PSD3: variants seen among roughly 807,000 people sequenced by gnomAD.
PSD3 encodes PH and SEC7 domain-containing protein 3.
A neutral mutation model predicts 105.5 loss-of-function variants in PSD3; 49 were observed. The observed-to-expected ratio is 0.46, with a 90% CI of 0.37 to 0.59. The LOEUF (loss-of-function observed/expected upper bound fraction) is 0.59, where lower values mean the gene tolerates loss of function less well. Among genes scored for constraint, PSD3 ranks in the 20% least tolerant of loss-of-function variants. The probability of loss-of-function intolerance (pLI) is 0.00; values close to 1 mark genes in which losing one functional copy is unlikely to be tolerated. For synonymous variants in PSD3, 557 were observed against 457.8 expected (o/e 1.22, Z -2.77); for missense variants, 1,561 against 1,263.8 (o/e 1.24, Z -3.57).
At chr8:18,927,378 T>G (rs1163207094) in intron 2 of PSD3, among the ~76,000 whole-genome samples, 1 of 152,134 alleles carries the variant, frequency 6.6e-6, no homozygotes, top group Admixed American at 6.5e-5. Flanking sequence ...CATGCCTGGC[T>G]AATTTTTGCA....
intron 9 of PSD3, among the ~76,000 whole-genome samples, chr8:18,677,010 C>T (rs2046670): frequency 0.88 from 133,779 of 152,272 alleles, 59,865 homozygotes; most frequent in South Asian, 0.98. Context: ...AATGGGTAAA[C>T]AGTGATCGTA....
intron 9 of PSD3, among the ~76,000 whole-genome samples, chr8:18,670,652 A>G (rs911034734): frequency 1.3e-5 from 2 of 152,232 alleles, no homozygotes; most frequent in African/African-American, 4.8e-5. Flanking sequence ...AGCACCAGAA[A>G]TGTATCATTA....
intron 14 of PSD3, among the ~76,000 whole-genome samples, chr8:18,564,010 A>C (rs1228150263): frequency 6.6e-6 from 1 of 152,134 alleles, no homozygotes; most frequent in Non-Finnish European, 1.5e-5. Flanking sequence ...ACATACCATA[A>C]AAACACCCCT....
chr8:18,806,185 G>T (rs1230414778), intron 4 of PSD3, among the ~76,000 whole-genome samples: 1 of 152,170 alleles, frequency 6.6e-6, no homozygotes, highest in Non-Finnish European at 1.5e-5. Context: ...CATGACAGTG[G>T]AGAATACGAT....
intron 2 of PSD3, among the ~76,000 whole-genome samples, chr8:18,893,636 C>T (rs1002828372): frequency 6.6e-6 from 1 of 151,460 alleles, no homozygotes; most frequent in Non-Finnish European, 1.5e-5. Context: ...GAAGCAGGAT[C>T]GGAACTCCAG....
chr8:18,831,777 C>T (rs1414249985), intron 4 of PSD3, among the ~76,000 whole-genome samples: 3 of 151,984 alleles, frequency 2.0e-5, no homozygotes, highest in African/African-American at 7.2e-5. Context: ...AAACAGGTTC[C>T]CTCATGAAGA....
At chr8:18,783,855 G>C (rs1002862847) in intron 8 of PSD3, among the ~76,000 whole-genome samples, 1 of 152,128 alleles carries the variant, frequency 6.6e-6, no homozygotes, top group African/African-American at 2.4e-5. Context: ...GGCTGGTCTC[G>C]AACTCCTGAC....
intron 8 of PSD3, among the ~76,000 whole-genome samples, chr8:18,777,126 T>C (rs1421179441): frequency 6.6e-6 from 1 of 152,154 alleles, no homozygotes; most frequent in Non-Finnish European, 1.5e-5. Context: ...CACTGAAACC[T>C]CTGCCTCCTG....
chr8:19,064,701 A>G (rs561944118), intron 1 of PSD3, among the ~76,000 whole-genome samples: 1 of 152,320 alleles, frequency 6.6e-6, no homozygotes, highest in Non-Finnish European at 1.5e-5. Flanking sequence ...AATTCTTCCC[A>G]CTCAGCATTC....
At chr8:18,626,953 C>T in intron 11 of PSD3, among the ~76,000 whole-genome samples, 1 of 152,064 alleles carries the variant, frequency 6.6e-6, no homozygotes, top group Non-Finnish European at 1.5e-5. Flanking sequence ...AAGCGGGAAG[C>T]AACTGGAAAG....
At chr8:18,762,833 A>AT (rs780715297) in intron 9 of PSD3, 557 of 903,166 alleles carry the variant, frequency 6.2e-4, no homozygotes, top group Middle Eastern at 1.7e-3. Context: ...GTCAAGGTCT[A>AT]TTTTTTCTTA....
chr8:19,030,933 T>C (rs1347193706), intron 1 of PSD3, among the ~76,000 whole-genome samples: 2 of 152,214 alleles, frequency 1.3e-5, no homozygotes, highest in Admixed American at 1.3e-4. Flanking sequence ...CTCCTTGCTA[T>C]AGAAGATCAT....
At chr8:18,660,706 G>T (rs1809284257) in intron 9 of PSD3, among the ~76,000 whole-genome samples, 1 of 152,206 alleles carries the variant, frequency 6.6e-6, no homozygotes, top group African/African-American at 2.4e-5. Flanking sequence ...ATTTCTAAAT[G>T]CTCCACATGT....
intron 1 of PSD3, among the ~76,000 whole-genome samples, chr8:19,023,617 T>A (rs1412465623): frequency 6.6e-6 from 1 of 151,974 alleles, no homozygotes; most frequent in Non-Finnish European, 1.5e-5. Context: ...TTAATTTTTT[T>A]GTAGATAAAG....
chr8:18,698,139 C>T (rs1046666459), intron 9 of PSD3, among the ~76,000 whole-genome samples: 2 of 152,226 alleles, frequency 1.3e-5, no homozygotes, highest in East Asian at 3.9e-4. Context: ...CACTCTGTAG[C>T]CCAGGCTCAA....
intron 1 of PSD3, among the ~76,000 whole-genome samples, chr8:19,007,702 C>T (rs375855034): frequency 1.0e-4 from 15 of 149,598 alleles, no homozygotes; most frequent in African/African-American, 3.2e-4. Flanking sequence ...GAGCTCAGCA[C>T]GAGGTAAGCA....
Position 18,604,041 on chromosome 8 carries a change from T to C in PSD3, c.2411-3607A>G, listed in dbSNP as rs755816869. On this transcript the variant is annotated intron_variant, in intron 11 of 15. Coordinates refer to ENST00000327040, the MANE Select transcript of PSD3 (RefSeq NM_015310.4). ...AAAATTGGTACTGTCAAGTGGGGCA[T>C]TGCTTATAAAGATACCTGAAAATGT... 7.9e-5 allele frequency among the ~76,000 whole-genome samples: 12 copies of C among 152,302 alleles called. 1 individual carries two copies. The highest frequency in any genetic ancestry group is 1.9e-4 in the African/African-American group (8 of 41,568).
In PSD3 at chr8:19,000,215, AC is replaced by A. The variant is rs563705936; in HGVS notation, c.21+13347del. The stretch of plus-strand genomic sequence containing the variant: ...AGACCAGCCTGGGCAAGATGGTGGG[AC>A]CCCATCCCTACAAAAAGTTAAAATA... On this transcript the variant is annotated intron_variant, in intron 1 of 15. Transcript: ENST00000327040. 312 of 151,676 alleles carry A rather than the reference AC, an allele frequency of 2.1e-3. 17 individuals carry two copies. In the South Asian group the frequency reaches 0.064, roughly 31 times the overall value. The allele number at this position is 151,676 out of a possible 1,614,324, so 9.4% of individuals were successfully genotyped here.
rs114050069 is a variant in PSD3 at position 18,661,464 on chromosome 8, T to C, written c.2173-5779A>G. 7.8e-3 allele frequency among the ~76,000 whole-genome samples: 1,187 copies of C among 152,344 alleles called. 21 individuals are homozygous for C. Among genetic ancestry groups the C allele is most frequent in the African/African-American group, 0.028 (1,149 of 41,572 alleles). ...AAAAATTAATGATAAAACCAGTTAT[T>C]AGATAAATATCAAAATGGTTAGAAA... is the stretch of plus-strand genomic sequence containing the variant. On this transcript the variant is annotated intron_variant, in intron 9 of 15. Coordinates refer to ENST00000327040, the MANE Select transcript of PSD3 (RefSeq NM_015310.4).
Sources: gnomAD v4.1 joint callset for allele counts (sites outside exome capture counted in the v4.1 genomes callset) on GRCh38, gnomAD v4.1.1 for gene constraint, MANE v1.5 for transcripts, NCBI Gene and HGNC (gene_info 2026-07-23, HGNC 2026-07-21) for gene names.